Variants in GRAMD1B observed in about 807,000 individuals in gnomAD.
GRAMD1B encodes the protein protein Aster-B.
Under a neutral mutation model 99.7 loss-of-function variants are expected in GRAMD1B, and 37 were observed. The observed-to-expected ratio is 0.37, with a 90% CI of 0.29 to 0.49. The LOEUF (loss-of-function observed/expected upper bound fraction) is 0.49, where lower values mean the gene tolerates loss of function less well. Among genes scored for constraint, GRAMD1B ranks in the 20% least tolerant of loss-of-function variants. The probability of loss-of-function intolerance (pLI) is 0.98; values close to 1 mark genes in which losing one functional copy is unlikely to be tolerated. For missense variants in GRAMD1B, 888 were observed against 1,009.2 expected (o/e 0.88, Z 1.63); for synonymous variants, 427 against 387.6 (o/e 1.10, Z -1.19).
At chr11:123,615,804 C>G (rs1382278069) in intron 17 of GRAMD1B, among the ~76,000 whole-genome samples, 1 of 152,132 alleles carries the variant, frequency 6.6e-6, no homozygotes, top group Non-Finnish European at 1.5e-5. Flanking sequence ...GCTTAATTAT[C>G]CATAACATTA....
intron 1 of GRAMD1B, among the ~76,000 whole-genome samples, chr11:123,418,955 T>C (rs775707438): frequency 1.1e-4 from 16 of 152,230 alleles, no homozygotes; most frequent in Non-Finnish European, 1.8e-4. Context: ...CCTGTGTGGA[T>C]GGCAGTCACA....
intron 3 of GRAMD1B, among the ~76,000 whole-genome samples, chr11:123,578,723 C>A (rs112084003): frequency 4.1e-4 from 62 of 152,316 alleles, no homozygotes; most frequent in Non-Finnish European, 7.6e-4. Context: ...TCCCTCCTTA[C>A]ATGGTGCGGT....
intron 1 of GRAMD1B, among the ~76,000 whole-genome samples, chr11:123,423,861 T>C (rs1948549293): frequency 6.6e-6 from 1 of 152,190 alleles, no homozygotes; most frequent in Non-Finnish European, 1.5e-5. Flanking sequence ...TATTTATTTC[T>C]CAGAGTTGTT....
rs1309582555 is a variant in GRAMD1B at position 123,576,201 on chromosome 11, G to A, written c.453-1166G>A. 2.0e-5 allele frequency among the ~76,000 whole-genome samples: 3 copies of A among 152,168 alleles called. No homozygotes were observed. In the East Asian group the frequency reaches 5.8e-4, roughly 29 times the overall value. ...TCTGAGGTCACAGCTGCATCTTCAT[G>A]CAAATGACAGTGTCCCCAGCCCTGC... On this transcript the variant is annotated intron_variant, in intron 2 of 19. Coordinates refer to ENST00000635736, the MANE Select transcript of GRAMD1B (RefSeq NM_001387025.1).
At chr11:123,364,395 T>C (rs1442762327) in intron 1 of GRAMD1B, among the ~76,000 whole-genome samples, 1 of 152,224 alleles carries the variant, frequency 6.6e-6, no homozygotes, top group South Asian at 2.1e-4. Flanking sequence ...AGCATCGGCA[T>C]GAGCCATCTG....
In GRAMD1B at chr11:123,610,033, C is replaced by T. The variant is rs560726107; in HGVS notation, c.1776+120C>T. On this transcript the variant is annotated intron_variant, in intron 13 of 19. Transcript: ENST00000635736. This position sits in a 1 kb window ranked among gnomAD's most constrained non-coding sequence, Gnocchi z 4.1. Reference sequence around the variant, plus strand: ...GCGCAAGTGTCATTTTGCCCCAAAGCGGTGGTGGCGTCTTGCTTGTTTAGT... The same window carrying T: ...GCGCAAGTGTCATTTTGCCCCAAAGTGGTGGTGGCGTCTTGCTTGTTTAGT... 24 of 736,422 alleles carry T rather than the reference C, an allele frequency of 3.3e-5. No homozygotes were observed. Among genetic ancestry groups the T allele is most frequent in the African/African-American group, 2.2e-4 (12 of 55,716 alleles). 45.6% of individuals were successfully genotyped at this position (736,422 alleles called of 1,614,324 possible).
chr11:123,427,443 C>A (rs1948695292), upstream of GRAMD1B, among the ~76,000 whole-genome samples: 1 of 152,158 alleles, frequency 6.6e-6, no homozygotes, highest in South Asian at 2.1e-4. Context: ...GTAAAGGTCA[C>A]CATACACATA....
intron 2 of GRAMD1B, among the ~76,000 whole-genome samples, chr11:123,495,675 C>CT (rs1565299640): frequency 2.2e-5 from 3 of 138,790 alleles, no homozygotes; most frequent in Non-Finnish European, 3.2e-5. Context: ...TGTCTTTCTT[C>CT]TTCTTTTTTT....
chr11:123,377,976 C>A (rs1946746671), intron 1 of GRAMD1B, among the ~76,000 whole-genome samples: 1 of 152,204 alleles, frequency 6.6e-6, no homozygotes, highest in Non-Finnish European at 1.5e-5. Context: ...AGGTGCTCAG[C>A]ACACTCTGTC....
chr11:123,561,953 G>A (rs1031818600), intron 2 of GRAMD1B, among the ~76,000 whole-genome samples: 3 of 152,190 alleles, frequency 2.0e-5, no homozygotes, highest in African/African-American at 7.2e-5. Context: ...GGTGGGTAGG[G>A]AGTGGAGAAT....
intron 1 of GRAMD1B, among the ~76,000 whole-genome samples, chr11:123,387,530 T>G (rs1337007393): frequency 6.6e-6 from 1 of 151,860 alleles, no homozygotes; most frequent in Non-Finnish European, 1.5e-5. Context: ...GCCAGGTGAG[T>G]GGGTTTGGAG....
At chr11:123,403,730 GA>G (rs1019603066) in intron 1 of GRAMD1B, among the ~76,000 whole-genome samples, 18 of 151,834 alleles carry the variant, frequency 1.2e-4, no homozygotes, top group African/African-American at 4.3e-4. Flanking sequence ...TTTTAGTAGA[GA>G]GGGGGTTTCG....
chr11:123,369,514 T>C lies in GRAMD1B; in HGVS notation c.-176+10715T>C, dbSNP rs949585525. On this transcript the variant is annotated intron_variant, in intron 1 of 20. Transcript: ENST00000638157. ...AAGAATGAAAGGGAACCAATATTCA[T>C]GGTCCGCCAAGCACTGGGGCTAGGT... Among the ~76,000 whole-genome samples, 3 of 152,146 alleles carry C rather than the reference T, an allele frequency of 2.0e-5. No individual in the cohort carries two copies. The East Asian group carries it at 5.8e-4, about 29-fold the overall frequency.
chr11:123,371,751 T>G (rs750338882), intron 1 of GRAMD1B, among the ~76,000 whole-genome samples: 27 of 152,342 alleles, frequency 1.8e-4, no homozygotes, highest in Non-Finnish European at 2.6e-4. Flanking sequence ...CACCAGCACG[T>G]GAGAGCCCTG....
At chr11:123,393,668 G>A (rs1047932255) in intron 1 of GRAMD1B, among the ~76,000 whole-genome samples, 3 of 152,158 alleles carry the variant, frequency 2.0e-5, no homozygotes, top group Non-Finnish European at 4.4e-5. Context: ...AGAAAGCCAC[G>A]GTGGTTTTTG....
chr11:123,480,704 A>G (rs534085614), intron 1 of GRAMD1B, 112 bp from the exon 2 acceptor site: 2 of 395,748 alleles, frequency 5.1e-6, no homozygotes, highest in East Asian at 3.6e-5. Context: ...GGGAACTTGT[A>G]TCTTTAAAAT....
chr11:123,556,760 A>G (rs1456995164), intron 2 of GRAMD1B, among the ~76,000 whole-genome samples: 1 of 152,184 alleles, frequency 6.6e-6, no homozygotes, highest in East Asian at 1.9e-4. Flanking sequence ...TTGAGTCCGG[A>G]GGCGTAAGTT....
chr11:123,381,471 G>A (rs1223472229), intron 1 of GRAMD1B: 10 of 154,372 alleles, frequency 6.5e-5, no homozygotes, highest in African/African-American at 2.2e-4. Flanking sequence ...TGGAGGTAAA[G>A]GCATGGCTGT....
intron 2 of GRAMD1B, among the ~76,000 whole-genome samples, chr11:123,488,547 T>C (rs1938150555): frequency 6.6e-6 from 1 of 152,222 alleles, no homozygotes; most frequent in South Asian, 2.1e-4. Flanking sequence ...AGTGACTTAA[T>C]ATGGCCATCA....
Sources: gnomAD v4.1 joint callset for allele counts (sites outside exome capture counted in the v4.1 genomes callset) on GRCh38, gnomAD v4.1.1 for gene constraint, Gnocchi (gnomAD v3.1) non-coding constraint, MANE v1.5 for transcripts, NCBI Gene and HGNC (gene_info 2026-07-23, HGNC 2026-07-21) for gene names.